TCF12: variants seen among roughly 807,000 people sequenced by gnomAD.
TCF12 encodes DNA-binding protein HTF4.
Under a neutral mutation model 86.0 loss-of-function variants are expected in TCF12, and 45 were observed. That is an observed-to-expected ratio of 0.52 (90% CI 0.41 to 0.67). The LOEUF is 0.67. Among genes scored for constraint, TCF12 ranks in the 30% least tolerant of loss-of-function variants. The probability of loss-of-function intolerance (pLI) is 0.00; values close to 1 mark genes in which losing one functional copy is unlikely to be tolerated. For synonymous variants in TCF12, 330 were observed against 299.6 expected (o/e 1.10, Z -1.05); for missense variants, 881 against 859.9 (o/e 1.02, Z -0.31).
intron 3 of TCF12, among the ~76,000 whole-genome samples, chr15:56,982,624 A>G (rs559587759): frequency 9.8e-5 from 15 of 152,310 alleles, no homozygotes; most frequent in African/African-American, 3.1e-4. Flanking sequence ...TTTTAAAAGA[A>G]AAAAATTAAA....
intron 3 of TCF12, among the ~76,000 whole-genome samples, chr15:57,052,444 C>A (rs185823431): frequency 1.6e-4 from 24 of 151,980 alleles, no homozygotes; most frequent in Non-Finnish European, 2.9e-5. Flanking sequence ...TAAAGACAGC[C>A]TGGCTAACAT....
At chr15:56,948,462 G>A (rs1421236959) in intron 3 of TCF12, among the ~76,000 whole-genome samples, 3 of 152,170 alleles carry the variant, frequency 2.0e-5, no homozygotes, top group African/African-American at 7.2e-5. Flanking sequence ...TTTCTTTGAA[G>A]AATTTAGTAT....
chr15:56,935,473 TA>T (rs1242103208), intron 3 of TCF12, among the ~76,000 whole-genome samples: 1 of 152,036 alleles, frequency 6.6e-6, no homozygotes, highest in Non-Finnish European at 1.5e-5. Context: ...TCTCTTTTTT[TA>T]AAAAAATTTT....
At chr15:57,187,953 A>G (rs2056770444) in intron 6 of TCF12, among the ~76,000 whole-genome samples, 1 of 152,116 alleles carries the variant, frequency 6.6e-6, no homozygotes, top group African/African-American at 2.4e-5. Context: ...AATAAAAAAT[A>G]AACAGATTAG....
intron 8 of TCF12, among the ~76,000 whole-genome samples, chr15:57,206,507 A>G (rs1218446440): frequency 6.6e-6 from 1 of 152,040 alleles, no homozygotes; most frequent in African/African-American, 2.4e-5. Context: ...AAACAGACCT[A>G]AAGAGTTAAA....
chr15:56,997,106 A>G (rs72749487), intron 3 of TCF12, among the ~76,000 whole-genome samples: 1 of 152,202 alleles, frequency 6.6e-6, no homozygotes, highest in Non-Finnish European at 1.5e-5. Context: ...CATTTGACCC[A>G]GCAATCTCAC....
chr15:57,177,638 G>GAGAGAGAGAGAGAGAGAGAGA (rs2056039089), intron 6 of TCF12, among the ~76,000 whole-genome samples: 3 of 151,108 alleles, frequency 2.0e-5, no homozygotes, highest in African/African-American at 2.4e-5. Flanking sequence ...GAGAGAGAGA[G>GAGAGAGAGAGAGAGAGAGAGA]TTGGATTAGG....
Position 56,940,520 on chromosome 15 carries a change from CCTT to C in TCF12, c.148+19431_148+19433del, listed in dbSNP as rs1335218409. The stretch of plus-strand genomic sequence containing the variant: ...TCCTCCTTCTTCTTCTCCTCCTCCT[CCTT>C]CTTCTTCTCCTTCTTCTCCTTCTTC... On this transcript the variant is annotated intron_variant, in intron 3 of 20. Transcript: ENST00000333725. 4.4e-3 allele frequency among the ~76,000 whole-genome samples: 662 copies of C among 149,260 alleles called. 8 individuals are homozygous for C. The highest frequency in any genetic ancestry group is 0.014 in the South Asian group (67 of 4,668).
intron 4 of TCF12, among the ~76,000 whole-genome samples, chr15:57,087,980 AC>A (rs1309259708): frequency 2.4e-4 from 36 of 151,952 alleles, no homozygotes; most frequent in African/African-American, 8.2e-4. Context: ...GCCATGTTTG[AC>A]CCCTTTTATT....
intron 3 of TCF12, among the ~76,000 whole-genome samples, chr15:56,951,366 A>C (rs1203354047): frequency 6.6e-6 from 1 of 152,094 alleles, no homozygotes; most frequent in Non-Finnish European, 1.5e-5. Context: ...ATATCTTCAT[A>C]TCTGTTGTCA....
At chr15:57,054,932 A>G (rs2067894162) in intron 3 of TCF12, among the ~76,000 whole-genome samples, 1 of 151,676 alleles carries the variant, frequency 6.6e-6, no homozygotes, top group South Asian at 2.1e-4. Context: ...GCCTTCCTTT[A>G]TGCTATAGTT....
intron 3 of TCF12, among the ~76,000 whole-genome samples, chr15:57,054,773 CTTTTTTTTTT>C (rs35859330): frequency 7.9e-4 from 19 of 24,186 alleles, no homozygotes; most frequent in African/African-American, 2.8e-3. Context: ...AATGCCTCTG[CTTTTTTTTTT>C]TTTTTTTTTT....
At chr15:57,078,506 C>T (rs1280573015) in intron 4 of TCF12, among the ~76,000 whole-genome samples, 2 of 152,120 alleles carry the variant, frequency 1.3e-5, no homozygotes, top group African/African-American at 4.8e-5. Flanking sequence ...CTGTAAGCTC[C>T]TTGAAGGCAA....
intron 3 of TCF12, among the ~76,000 whole-genome samples, chr15:56,930,060 A>G (rs545325875): frequency 6.6e-6 from 1 of 152,288 alleles, no homozygotes; most frequent in Non-Finnish European, 1.5e-5. Flanking sequence ...TCATCACTTC[A>G]TTGGTAGCTG....
intron 1 of TCF12, chr15:56,919,335 C>T (rs1278299866): frequency 3.9e-5 from 6 of 152,116 alleles, no homozygotes; most frequent in African/African-American, 1.4e-4. Context: ...TTAAAAACGC[C>T]CCTTGGATGA....
At chr15:57,232,231 C>T in intron 9 of TCF12, 60 bp from the exon 10 acceptor site, 1 of 1,593,858 alleles carries the variant, frequency 6.3e-7, no homozygotes. Context: ...TTATAAGCAA[C>T]ATCAAAATAC....
chr15:57,170,659 A>AT (rs2055277171), intron 6 of TCF12, among the ~76,000 whole-genome samples: 30 of 49,330 alleles, frequency 6.1e-4, no homozygotes, highest in South Asian at 2.5e-3. Flanking sequence ...ATATTATATA[A>AT]AATATATATA....
chr15:57,200,548 C>T (rs1331727967), intron 8 of TCF12, among the ~76,000 whole-genome samples: 2 of 152,136 alleles, frequency 1.3e-5, no homozygotes, highest in African/African-American at 4.8e-5. Flanking sequence ...AGGATTTCAT[C>T]AGTTTCCTAC....
chr15:57,021,550 G>C (rs1176400104), intron 3 of TCF12, among the ~76,000 whole-genome samples: 1 of 152,208 alleles, frequency 6.6e-6, no homozygotes, highest in Admixed American at 6.5e-5. Context: ...ACATGCCTCA[G>C]AATCTGTCTT....
Sources: gnomAD v4.1 joint callset for allele counts (sites outside exome capture counted in the v4.1 genomes callset) on GRCh38, gnomAD v4.1.1 for gene constraint, MANE v1.5 for transcripts, NCBI Gene and HGNC (gene_info 2026-07-23, HGNC 2026-07-21) for gene names.